CACNA1A: variants seen among roughly 807,000 people sequenced by gnomAD.
CACNA1A encodes voltage-dependent P/Q-type calcium channel subunit alpha-1A.
CACNA1A carries 57 observed loss-of-function variants against 262.4 expected under a neutral mutation model. The observed-to-expected ratio is 0.22, with a 90% confidence interval of 0.18 to 0.27. CACNA1A has a LOEUF of 0.27. Ranked by LOEUF, CACNA1A falls within the 10% of genes least tolerant of loss-of-function variation. CACNA1A has a pLI of 1.00. For synonymous variants in CACNA1A, 1,431 were observed against 1,419.3 expected (o/e 1.01, Z -0.18); for missense variants, 2,526 against 3,562.8 (o/e 0.71, Z 7.41).
At chr19:13,472,032 G>C (rs972063539) in intron 1 of CACNA1A, among the ~76,000 whole-genome samples, 1 of 152,076 alleles carries the variant, frequency 6.6e-6, no homozygotes, top group African/African-American at 2.4e-5. Flanking sequence ...GCACAATCAC[G>C]GCTTACTGGA....
Position 13,298,972 on chromosome 19 carries a change from C to T in CACNA1A, c.2661G>A (p.Gln887=). ...LDARRPWAGS[Q]EAELSREGPY... is the part of the protein sequence containing the mutation. ...GTCCCTCCCGGCTCAGCTCGGCCTC[C>T]TGGCTTCCCGCCCAGGGCCTCCGTG... Residue 887 remains glutamine, a synonymous_variant, in exon 19 of 47, where the codon CAG becomes CAA. Coordinates refer to ENST00000360228, the MANE Select transcript of CACNA1A (RefSeq NM_001127222.2). 5 of 1,585,146 alleles carry T rather than the reference C, an allele frequency of 3.2e-6. No individual in the cohort carries two copies. The East Asian group carries it at 1.1e-4, about 36-fold the overall frequency.
rs1017740036 is a variant in CACNA1A, at chr19:13,467,987, T to TGC, written c.294-12776_294-12775insGC. Among the ~76,000 whole-genome samples the TGC allele has an allele frequency of 1.4e-4, 21 of 152,138 alleles. 1 individual carries two copies. Among genetic ancestry groups the TGC allele is most frequent in the African/African-American group, 5.1e-4 (21 of 41,464 alleles). ...AGATGAGTGAGTGTGTGTGTGTGTG[T>TGC]GTGTATGTACCTTCTGAAATTAAAT... On this transcript the variant is annotated intron_variant, in intron 1 of 46. Coordinates refer to ENST00000360228, the MANE Select transcript of CACNA1A (RefSeq NM_001127222.2).
At chr19:13,304,668 A>G (rs1476499749) in intron 15 of CACNA1A, among the ~76,000 whole-genome samples, 1 of 151,256 alleles carries the variant, frequency 6.6e-6, no homozygotes, top group Non-Finnish European at 1.5e-5. Flanking sequence ...TCAAAAAAAA[A>G]AAAAAAAAAA....
chr19:13,268,546 T>G lies in CACNA1A; in HGVS notation c.3990-5713A>C, dbSNP rs544618994. Among the ~76,000 whole-genome samples the G allele has an allele frequency of 3.2e-4, 49 of 151,644 alleles. 1 individual carries two copies. The highest frequency in any genetic ancestry group is 6.3e-4 in the South Asian group (3 of 4,774). ...CCTCCCAGGTTCACGCCATTCTCCTTCCTCAGCCTCCCGAGTGCTGGGACT... is the reference window on the plus strand; with the variant it reads ...CCTCCCAGGTTCACGCCATTCTCCTGCCTCAGCCTCCCGAGTGCTGGGACT... On this transcript the variant is annotated intron_variant, in intron 24 of 46. Transcript: ENST00000360228.
chr19:13,330,191 C>T, intron 10 of CACNA1A, 53 bp downstream of exon 10: 1 of 1,346,738 alleles, frequency 7.4e-7, no homozygotes, highest in Non-Finnish European at 1.0e-6. Flanking sequence ...CCCACCATGT[C>T]TCTTGGGCGA....
intron 1 of CACNA1A, among the ~76,000 whole-genome samples, chr19:13,456,515 A>C (rs370252013): frequency 6.6e-6 from 1 of 152,060 alleles, no homozygotes; most frequent in East Asian, 1.9e-4. Context: ...TACTAAAAAA[A>C]TACAAAAAAT....
intron 46 of CACNA1A, 37 bp from the exon 47 acceptor site, chr19:13,208,090 A>T: frequency 8.0e-7 from 1 of 1,250,048 alleles, no homozygotes; most frequent in Non-Finnish European, 1.0e-6. Flanking sequence ...TCAAAAAAAA[A>T]GATACAACAA....
intron 6 of CACNA1A, among the ~76,000 whole-genome samples, chr19:13,357,437 C>T (rs2145235729): frequency 6.6e-6 from 1 of 152,318 alleles, no homozygotes; most frequent in Middle Eastern, 3.4e-3. Flanking sequence ...GCCTAAACTT[C>T]AATGGTAATT....
chr19:13,227,213 C>T, intron 37 of CACNA1A: 1 of 321,654 alleles, frequency 3.1e-6, no homozygotes, highest in East Asian at 4.7e-5. Context: ...CGAAGACACT[C>T]ATCAGAAAGG....
intron 19 of CACNA1A, among the ~76,000 whole-genome samples, chr19:13,287,188 C>CA (rs1462096326): frequency 6.6e-6 from 1 of 151,968 alleles, no homozygotes; most frequent in Non-Finnish European, 1.5e-5. Context: ...CCTATTTCTA[C>CA]AAAAAATGTG....
chr19:13,319,490 C>A (rs918751930), intron 10 of CACNA1A, among the ~76,000 whole-genome samples: 2 of 152,120 alleles, frequency 1.3e-5, no homozygotes, highest in Non-Finnish European at 2.9e-5. Flanking sequence ...TATCCATTCA[C>A]CCATACATCC....
rs2145126181 is a variant in CACNA1A at position 13,332,932 on chromosome 19, A to T, written c.1199-7T>A. On this transcript the variant is annotated splice_polypyrimidine_tract_variant and splice_region_variant and intron_variant, in intron 8 of 46. Coordinates refer to ENST00000360228, the MANE Select transcript of CACNA1A (RefSeq NM_001127222.2). ...TCGGCGAGGATCACCTCTTCTGAAG[A>T]GGAAGAGCACAGAGTTAAGCTCCTG... The T allele has an allele frequency of 6.2e-7, 1 of 1,610,002 alleles. No homozygotes were observed. Among genetic ancestry groups the T allele is most frequent in the Non-Finnish European group, 8.5e-7 (1 of 1,177,020 alleles).
chr19:13,298,787 G>C lies in CACNA1A; in HGVS notation c.2846C>G (p.Thr949Arg). The C allele has an allele frequency of 6.5e-7, 1 of 1,539,890 alleles. No homozygotes were observed. The highest frequency in any genetic ancestry group is 8.7e-7 in the Non-Finnish European group (1 of 1,153,830). The change falls in exon 19 of 47, where the codon ACG becomes AGG. Residue 949 changes from threonine (T) to arginine (R), a missense_variant. Around this residue, in one of 17 missense-constraint regions of CACNA1A, gnomAD observed 765 missense variants for 748.6 expected, o/e 1.02. Transcript: ENST00000360228. Reference sequence around the variant, plus strand: ...ACGTCGATGCTCCCCGTCCGCGCCCGTGCGCGGGGACCCGCTGCGGCTCTC... The same window carrying C: ...ACGTCGATGCTCCCCGTCCGCGCCCCTGCGCGGGGACCCGCTGCGGCTCTC... The part of the protein sequence containing the change: ...SRESRSGSPR[T>R]GADGEHRRHR...
chr19:13,392,000 G>A (rs937545856), intron 3 of CACNA1A, among the ~76,000 whole-genome samples: 2 of 145,558 alleles, frequency 1.4e-5, no homozygotes, highest in African/African-American at 2.6e-5. Context: ...TCATGCTACT[G>A]CACTTGGTTG....
intron 6 of CACNA1A, among the ~76,000 whole-genome samples, chr19:13,354,044 T>G (rs2058961706): frequency 6.6e-6 from 1 of 152,232 alleles, no homozygotes; most frequent in African/African-American, 2.4e-5. Context: ...TTAGTCTGTC[T>G]TCTTCGTTGC....
intron 3 of CACNA1A, chr19:13,450,601 C>T (rs980774064): frequency 6.6e-6 from 1 of 152,044 alleles, no homozygotes; most frequent in African/African-American, 2.4e-5. Context: ...CTGCTGTGTC[C>T]CAGAGCCTAG....
intron 22 of CACNA1A, among the ~76,000 whole-genome samples, chr19:13,282,379 A>G (rs1400605273): frequency 2.6e-5 from 4 of 151,932 alleles, no homozygotes; most frequent in African/African-American, 9.7e-5. Flanking sequence ...TCCACCCTCT[A>G]CCAGGCCCTG....
intron 28 of CACNA1A, 106 bp from the exon 29 acceptor site, chr19:13,255,365 G>C (rs1457284451): frequency 1.9e-6 from 2 of 1,041,922 alleles, no homozygotes; most frequent in African/African-American, 3.2e-5. Flanking sequence ...GCTTCTGCTT[G>C]AGTCTCTGCC....
At position 13,207,676 on chromosome 19, in the gene CACNA1A, G is replaced by A; in HGVS notation, c.7158C>T (p.Gly2386=). Reference sequence around the variant, plus strand: ...GGCCAGATGCCGGCCACCGGGCCCCGCCGTGTCGACAGGCCCTGGGGGACT... The same window carrying A: ...GGCCAGATGCCGGCCACCGGGCCCCACCGTGTCGACAGGCCCTGGGGGACT... The part of the protein sequence containing the change: ...RSESPRACRH[G]GARWPASGPH... The change falls in exon 47 of 47, where the codon GGC becomes GGT. Residue 2386 remains glycine, a synonymous_variant. Transcript: ENST00000360228. This position sits in a 1 kb window ranked among gnomAD's most constrained non-coding sequence, Gnocchi z 5.7. The A allele has an allele frequency of 1.4e-6, 2 of 1,429,052 alleles. No individual in the cohort carries two copies. Among genetic ancestry groups the A allele is most frequent in the Non-Finnish European group, 1.8e-6 (2 of 1,090,762 alleles). 88.5% of individuals were successfully genotyped at this position (1,429,052 alleles called of 1,614,324 possible).
Sources: gnomAD v4.1 joint callset for allele counts (sites outside exome capture counted in the v4.1 genomes callset) on GRCh38, gnomAD v4.1.1 for gene constraint, gnomAD v4.1.1 regional missense constraint, Gnocchi (gnomAD v3.1) non-coding constraint, MANE v1.5 for transcripts, NCBI Gene and HGNC (gene_info 2026-07-23, HGNC 2026-07-21) for gene names.